ZNF540: variants seen among roughly 807,000 people sequenced by gnomAD.
ZNF540 encodes CTD-3064H18.6.
In ZNF540, 3 loss-of-function variants were observed where a neutral mutation model predicts 11.8. The ratio of observed to expected loss-of-function variants is 0.25; its 90% CI spans 0.12 to 0.65. The LOEUF (loss-of-function observed/expected upper bound fraction) is 0.65. Among genes scored for constraint, ZNF540 ranks in the 30% least tolerant of loss-of-function variants. The probability of loss-of-function intolerance (pLI) is 0.83; values close to 1 mark genes in which losing one functional copy is unlikely to be tolerated. For missense variants in ZNF540, 709 were observed against 793.1 expected, an observed-to-expected ratio of 0.89 and a Z score of 1.27; for synonymous variants, 247 against 259.0, an observed-to-expected ratio of 0.95 and a Z score of 0.45.
Position 37,611,855 on chromosome 19 carries a change from G to A in ZNF540, c.575G>A (p.Cys192Tyr). ...DSDVKHDCKE[C>Y]GSTFNNVYQL... The stretch of plus-strand genomic sequence containing the variant: ...GATGTGAAACATGATTGTAAAGAAT[G>A]TGGGAGTACTTTTAATAATGTCTAT... Residue 192 changes from cysteine to tyrosine, a missense_variant, in exon 5 of 5, where the codon TGT becomes TAT. By Grantham distance (194) the Cys-to-Tyr change is radical. Transcript: ENST00000316433. The A allele has an allele frequency of 6.2e-7, 1 of 1,613,950 alleles. No individual in the cohort carries two copies. The highest frequency in any genetic ancestry group is 8.5e-7 in the Non-Finnish European group (1 of 1,179,938).
chr19:37,612,300 A>C lies in ZNF540; in HGVS notation c.1020A>C (p.Gly340=). The part of the protein sequence containing the change: ...KECGKAFSVC[G]QLTRHQKIHT... ...GTGGGAAAGCTTTTAGTGTATGCGGACAACTTACCCGTCATCAGAAAATTC... is the reference window on the plus strand; with the variant it reads ...GTGGGAAAGCTTTTAGTGTATGCGGCCAACTTACCCGTCATCAGAAAATTC... Residue 340 remains glycine (G), a synonymous_variant, in exon 5 of 5, where the codon GGA becomes GGC. Coordinates refer to ENST00000316433, the MANE Select transcript of ZNF540 (RefSeq NM_001172225.3). The C allele has an allele frequency of 6.2e-7, 1 of 1,613,972 alleles. No homozygotes were observed. The highest frequency in any genetic ancestry group is 8.5e-7 in the Non-Finnish European group (1 of 1,179,974).
chr19:37,611,986 T>G lies in ZNF540; in HGVS notation c.706T>G (p.Phe236Val), dbSNP rs1411583489. 5 of 1,613,694 alleles carry G rather than the reference T, an allele frequency of 3.1e-6. No homozygotes were observed. In the Admixed American group the frequency reaches 6.7e-5, roughly 22 times the overall value. Residue 236 changes from phenylalanine to valine, a missense_variant, in exon 5 of 5, where the codon TTT (phenylalanine) becomes GTT (valine). By Grantham distance (50) the Phe-to-Val change is conservative. Transcript: ENST00000316433. ...HSYQLTLHQRFHTGEKPYECQ... is the reference protein window; with the variant it reads ...HSYQLTLHQRVHTGEKPYECQ... ...CTATCAACTTACTCTGCATCAGAGA[T>G]TTCATACTGGTGAGAAACCCTATGA...
At chr19:37,583,842 G>C in intron 1 of ZNF540, 1 of 891,142 alleles carries the variant, frequency 1.1e-6, no homozygotes, top group Non-Finnish European at 1.7e-6. Context: ...AAGGTACACG[G>C]TGGAGCTGTC....
chr19:37,584,404 A>G (rs2043588021), intron 1 of ZNF540, among the ~76,000 whole-genome samples: 2 of 152,238 alleles, frequency 1.3e-5, no homozygotes, highest in African/African-American at 4.8e-5. Flanking sequence ...TGCACAGCAG[A>G]TAAGGCTTCC....
chr19:37,611,777 A>G lies in ZNF540; in HGVS notation c.497A>G (p.Asn166Ser). 6.2e-7 allele frequency: 1 copy of G among 1,614,038 alleles called. No homozygotes were observed. Residue 166 changes from asparagine to serine, a missense_variant, in exon 5 of 5, where the codon AAT becomes AGT. Physicochemically the swap from Asn to Ser is conservative, Grantham distance 46 (BLOSUM62 1). Coordinates refer to ENST00000316433, the MANE Select transcript of ZNF540 (RefSeq NM_001172225.3). ...TTTACTCTGAATCAGAGAATTCACA[A>G]TAGTGAGAAAAGCTGTGACTCACAC... The part of the protein sequence containing the change: ...PSFTLNQRIH[N>S]SEKSCDSHLV...
intron 1 of ZNF540, among the ~76,000 whole-genome samples, chr19:37,577,497 G>T (rs1255067896): frequency 6.6e-6 from 1 of 152,084 alleles, no homozygotes; most frequent in Non-Finnish European, 1.5e-5. Flanking sequence ...ATGCAAAGAT[G>T]AAAGAATATT....
intron 1 of ZNF540, chr19:37,585,043 A>G (rs10412510): frequency 0.25 from 38,570 of 151,846 alleles, 5,585 homozygotes; most frequent in East Asian, 0.63. Flanking sequence ...GAGAGTATGC[A>G]TCTGGCATGT....
chr19:37,564,890 TA>T (rs1026324691), intron 1 of ZNF540: 3 of 1,613,878 alleles, frequency 1.9e-6, no homozygotes, highest in Non-Finnish European at 2.5e-6. Context: ...TTGTGAGCCA[TA>T]AATAAAGGCC....
In ZNF540 at chr19:37,613,224, A is replaced by G. The variant is rs376130987; in HGVS notation, c.1944A>G (p.Ser648=). ...KVCRKAFRQY[S]HLYQHQKTHN... ...GTAGAAAGGCCTTTAGACAATATTCACATCTTTATCAACATCAGAAAACTC... is the reference window on the plus strand; with the variant it reads ...GTAGAAAGGCCTTTAGACAATATTCGCATCTTTATCAACATCAGAAAACTC... The change falls in exon 5 of 5, where the codon TCA becomes TCG. Residue 648 remains serine, a synonymous_variant. Transcript: ENST00000316433. 7.8e-6 allele frequency: 12 copies of G among 1,539,958 alleles called. No individual in the cohort carries two copies. Among genetic ancestry groups the G allele is most frequent in the Non-Finnish European group, 1.0e-5 (12 of 1,143,582 alleles).
intron 1 of ZNF540, chr19:37,565,343 G>T (rs1477736068): frequency 1.2e-6 from 2 of 1,613,292 alleles, no homozygotes; most frequent in Admixed American, 3.3e-5. Context: ...ACATTCATAG[G>T]GTTTCTCTCC....
chr19:37,585,432 C>T (rs2043636812), intron 1 of ZNF540: 1 of 152,222 alleles, frequency 6.6e-6, no homozygotes, highest in Admixed American at 6.5e-5. Flanking sequence ...AATGGGCTGA[C>T]CAGCCTGATA....
intron 1 of ZNF540, chr19:37,562,409 T>C (rs1265750207): frequency 6.6e-6 from 1 of 151,876 alleles, no homozygotes; most frequent in East Asian, 1.9e-4. Flanking sequence ...AAAAAGATAA[T>C]GTATTAGAAG....
Position 37,606,742 on chromosome 19 carries a change from TA to T in ZNF540, c.233-4770del, listed in dbSNP as rs573600896. On this transcript the variant is annotated intron_variant, in intron 4 of 4. Transcript: ENST00000316433. ...ATTCTTAAAATTAGGTTGTTTGTGT[TA>T]TTATTGAGTTGCAAGAGTTTTAAAA... 7.2e-5 allele frequency among the ~76,000 whole-genome samples: 11 copies of T among 152,326 alleles called. No homozygotes were observed. The East Asian group carries it at 2.1e-3, about 29-fold the overall frequency.
chr19:37,588,171 T>C (rs1600534053), intron 1 of ZNF540, among the ~76,000 whole-genome samples: 1 of 149,642 alleles, frequency 6.7e-6, no homozygotes, highest in East Asian at 2.0e-4. Context: ...TATAAAGATG[T>C]TAACCTCTGC....
intron 1 of ZNF540, among the ~76,000 whole-genome samples, chr19:37,580,325 TCTTC>T (rs2043408833): frequency 6.6e-6 from 1 of 152,230 alleles, no homozygotes; most frequent in East Asian, 1.9e-4. Flanking sequence ...ATAGCTGCAG[TCTTC>T]ACCATCACAG....
chr19:37,613,170 TG>T lies in ZNF540; in HGVS notation c.1892del (p.Gly631ValfsTer29). 6.2e-7 allele frequency: 1 copy of T among 1,613,720 alleles called. No individual in the cohort carries two copies. The highest frequency in any genetic ancestry group is 2.2e-5 in the East Asian group (1 of 44,864). On this transcript the variant is annotated frameshift_variant, in exon 5 of 5. Transcript: ENST00000316433. LOFTEE classifies it low-confidence loss of function (END_TRUNC). ...HLTEHQRIHT[G>X]EKPYECKVCR... ...TTACTGAACATCAGAGAATTCACAC[TG>T]GTGAGAAACCCTATGAGTGTAAGGT... is the stretch of plus-strand genomic sequence containing the variant.
intron 1 of ZNF540, 74 bp from the exon 2 acceptor site, chr19:37,598,302 A>C: frequency 1.3e-6 from 1 of 742,420 alleles, no homozygotes; most frequent in Admixed American, 2.5e-5. Flanking sequence ...ATAAAAGATT[A>C]TTAATTTATA....
chr19:37,588,099 C>CA (rs58516591), intron 1 of ZNF540, among the ~76,000 whole-genome samples: 716 of 45,754 alleles, frequency 0.016, 110 homozygotes, highest in Middle Eastern at 0.071. Flanking sequence ...GACTCCATCT[C>CA]AAAAAAAAAA....
At chr19:37,564,607 A>G in intron 1 of ZNF540, 1 of 1,507,722 alleles carries the variant, frequency 6.6e-7, no homozygotes, top group Non-Finnish European at 8.9e-7. Context: ...CTCAATTATG[A>G]AGCCTTGTAT....
Sources: gnomAD v4.1 joint callset for allele counts (sites outside exome capture counted in the v4.1 genomes callset) on GRCh38, gnomAD v4.1.1 for gene constraint, MANE v1.5 for transcripts, NCBI Gene and HGNC (gene_info 2026-07-23, HGNC 2026-07-21) for gene names.